XKR6: variants seen among roughly 807,000 people sequenced by gnomAD.
The protein encoded by XKR6 is XK-related protein 6.
XKR6 carries 22 observed loss-of-function variants against 56.7 expected under a neutral mutation model. The ratio of observed to expected loss-of-function variants is 0.39; its 90% CI spans 0.28 to 0.55. XKR6 has a LOEUF of 0.55. Among genes scored for constraint, XKR6 ranks in the 20% least tolerant of loss-of-function variants. The pLI, the probability that XKR6 is intolerant of heterozygous loss-of-function variation, is 0.66. For synonymous variants in XKR6, 524 were observed against 387.8 expected, an observed-to-expected ratio of 1.35 and a Z score of -4.13; for missense variants, 852 against 889.0, an observed-to-expected ratio of 0.96 and a Z score of 0.53.
Position 10,946,510 on chromosome 8 carries a change from T to C in XKR6, c.765-21680A>G, listed in dbSNP as rs746712713. Among the ~76,000 whole-genome samples, 130 of 151,690 alleles carry C rather than the reference T, an allele frequency of 8.6e-4. 1 individual carries two copies. Among genetic ancestry groups the C allele is most frequent in the Non-Finnish European group, 1.5e-3 (102 of 67,934 alleles). On this transcript the variant is annotated intron_variant, in intron 1 of 2. Transcript: ENST00000416569. ...GAATTTATCTAAAACACTAAGGAGG[T>C]TCTTCATCCACCCCTCCCACCCCTG...
intron 1 of XKR6, among the ~76,000 whole-genome samples, chr8:11,005,953 C>T (rs537625391): frequency 7.4e-5 from 11 of 149,126 alleles, no homozygotes; most frequent in South Asian, 2.1e-4. Context: ...AAACTATTCT[C>T]GTGCCTCAGC....
chr8:10,919,430 T>C (rs1800651659), intron 2 of XKR6, among the ~76,000 whole-genome samples: 2 of 152,190 alleles, frequency 1.3e-5, no homozygotes, highest in African/African-American at 2.4e-5. Context: ...GAATGGGAAA[T>C]TCATGACAGC....
At chr8:11,113,046 T>C (rs893891004) in intron 1 of XKR6, among the ~76,000 whole-genome samples, 1 of 152,160 alleles carries the variant, frequency 6.6e-6, no homozygotes, top group Non-Finnish European at 1.5e-5. Context: ...TCCTTACAAT[T>C]TGCCTTCTGT....
At chr8:11,012,114 G>A (rs1798513641) in intron 1 of XKR6, among the ~76,000 whole-genome samples, 1 of 152,220 alleles carries the variant, frequency 6.6e-6, no homozygotes, top group Non-Finnish European at 1.5e-5. Context: ...AGCAGATGGA[G>A]GAGTCCGCCT....
intron 2 of XKR6, among the ~76,000 whole-genome samples, chr8:10,912,601 G>A (rs944656734): frequency 1.7e-4 from 25 of 146,218 alleles, no homozygotes; most frequent in African/African-American, 6.3e-4. Flanking sequence ...TATGTAGAGA[G>A]AGAGAAAGAG....
intron 1 of XKR6, among the ~76,000 whole-genome samples, chr8:11,172,799 C>G (rs946088338): frequency 6.6e-6 from 1 of 152,138 alleles, no homozygotes; most frequent in South Asian, 2.1e-4. Context: ...GGCCAGAAAG[C>G]ATGCAGGCCC....
intron 1 of XKR6, among the ~76,000 whole-genome samples, chr8:11,069,920 G>T (rs917016522): frequency 1.3e-5 from 2 of 152,192 alleles, no homozygotes; most frequent in African/African-American, 4.8e-5. Flanking sequence ...GTTCTCAGGA[G>T]GGCCTTGATA....
At chr8:11,052,713 ACCCCG>A (rs1799583048) in intron 1 of XKR6, among the ~76,000 whole-genome samples, 1 of 57,214 alleles carries the variant, frequency 1.7e-5, no homozygotes, top group South Asian at 6.5e-4. Flanking sequence ...CCCCACCCCC[ACCCCG>A]ACCCCTGTTT....
chr8:11,144,057 C>T (rs376419031), intron 1 of XKR6, among the ~76,000 whole-genome samples: 1 of 151,994 alleles, frequency 6.6e-6, no homozygotes, highest in Admixed American at 6.5e-5. Flanking sequence ...TAAGACCCCC[C>T]GTCAATGACC....
At chr8:10,905,126 G>C (rs1025034699) in intron 2 of XKR6, among the ~76,000 whole-genome samples, 1 of 152,056 alleles carries the variant, frequency 6.6e-6, no homozygotes, top group African/African-American at 2.4e-5. Context: ...ACACAGCATG[G>C]TCCCTGGACC....
At chr8:11,157,844 T>C (rs904386735) in intron 1 of XKR6, among the ~76,000 whole-genome samples, 6 of 152,146 alleles carry the variant, frequency 3.9e-5, no homozygotes, top group Admixed American at 1.3e-4. Context: ...GTCTCTTTTA[T>C]CTAGTTACAA....
At chr8:11,169,675 TA>T (rs1040811890) in intron 1 of XKR6, among the ~76,000 whole-genome samples, 69 of 152,162 alleles carry the variant, frequency 4.5e-4, no homozygotes, top group Admixed American at 1.4e-3. Flanking sequence ...GAGTTTCTGC[TA>T]GGGATGAAGA....
chr8:11,137,706 C>A (rs1415259994), intron 1 of XKR6: 1 of 456,276 alleles, frequency 2.2e-6, no homozygotes, highest in Non-Finnish European at 4.4e-6. Context: ...GAAGAAGCTA[C>A]TCCCCTGAAA....
At chr8:11,024,192 T>C (rs1397750396) in intron 1 of XKR6, among the ~76,000 whole-genome samples, 1 of 150,504 alleles carries the variant, frequency 6.6e-6, no homozygotes, top group Non-Finnish European at 1.5e-5. Context: ...GCAGACAACA[T>C]ACCTGTTAGG....
chr8:11,016,888 C>T (rs865833976), intron 1 of XKR6, among the ~76,000 whole-genome samples: 3 of 152,238 alleles, frequency 2.0e-5, no homozygotes, highest in Admixed American at 6.5e-5. Flanking sequence ...GACCCTCCAC[C>T]ACCCAGATCT....
chr8:11,044,562 C>T (rs1799361103), intron 1 of XKR6, among the ~76,000 whole-genome samples: 1 of 152,226 alleles, frequency 6.6e-6, no homozygotes, highest in South Asian at 2.1e-4. Context: ...ATGGCAAACA[C>T]ATCTACATAT....
intron 1 of XKR6, among the ~76,000 whole-genome samples, chr8:11,126,224 A>ACG (rs1799787508): frequency 6.6e-6 from 1 of 151,698 alleles, no homozygotes; most frequent in Non-Finnish European, 1.5e-5. Flanking sequence ...GTGCACTACC[A>ACG]CGCCCGGCTA....
At chr8:10,972,891 GA>G (rs1243915638) in intron 1 of XKR6, among the ~76,000 whole-genome samples, 1 of 152,212 alleles carries the variant, frequency 6.6e-6, no homozygotes. Flanking sequence ...TTACGATAAT[GA>G]AAACATTTTT....
chr8:10,984,253 C>T (rs955862213), intron 1 of XKR6, among the ~76,000 whole-genome samples: 3 of 152,134 alleles, frequency 2.0e-5, no homozygotes, highest in Non-Finnish European at 2.9e-5. Flanking sequence ...TTCTAAAATT[C>T]AACATCCATT....
Sources: allele counts gnomAD v4.1 joint callset (sites outside exome capture counted in the v4.1 genomes callset), GRCh38; gene constraint gnomAD v4.1.1; transcripts MANE v1.5; gene names NCBI Gene and HGNC (gene_info 2026-07-23, HGNC 2026-07-21).